Variants in SLCO3A1 observed in about 807,000 individuals in gnomAD.
SLCO3A1 encodes solute carrier organic anion transporter family member 3A1.
SLCO3A1 carries 27 observed loss-of-function variants against 63.1 expected under a neutral mutation model. The ratio of observed to expected loss-of-function variants is 0.43; its 90% CI spans 0.32 to 0.59. The LOEUF (loss-of-function observed/expected upper bound fraction) is 0.59, where lower values mean the gene tolerates loss of function less well. SLCO3A1 is among the 20% of genes least tolerant of loss of function. SLCO3A1 has a pLI of 0.09. For missense variants in SLCO3A1, 773 were observed against 945.8 expected, an observed-to-expected ratio of 0.82 and a Z score of 2.40; for synonymous variants, 473 against 409.9, an observed-to-expected ratio of 1.15 and a Z score of -1.86.
At chr15:92,118,638 C>T (rs2047824623) in intron 4 of SLCO3A1, among the ~76,000 whole-genome samples, 1 of 152,186 alleles carries the variant, frequency 6.6e-6, no homozygotes, top group South Asian at 2.1e-4. Context: ...TAGCTCTCTT[C>T]TTTAGGACAG....
At position 92,050,189 on chromosome 15, in the gene SLCO3A1, T is replaced by A. The variant is rs575590075; in HGVS notation, c.647-44692T>A. On this transcript the variant is annotated intron_variant, in intron 2 of 9. Transcript: ENST00000318445. ...TTTTCTGGTGATGCTGCCTCTGCTC[T>A]CTGCTTCGAAGGTGTTAGCACCTGT... 7.2e-5 allele frequency among the ~76,000 whole-genome samples: 11 copies of A among 152,366 alleles called. No homozygotes were observed. The East Asian group carries it at 2.1e-3, about 29-fold the overall frequency.
At chr15:92,151,862 C>A (rs1451009332) in intron 9 of SLCO3A1, among the ~76,000 whole-genome samples, 2 of 152,150 alleles carry the variant, frequency 1.3e-5, no homozygotes, top group Non-Finnish European at 2.9e-5. Flanking sequence ...CGTATATAAT[C>A]GTGGATAAGC....
intron 1 of SLCO3A1, among the ~76,000 whole-genome samples, chr15:91,914,212 G>T (rs1222190643): frequency 6.6e-6 from 1 of 152,154 alleles, no homozygotes; most frequent in African/African-American, 2.4e-5. Flanking sequence ...GGACCCAGGT[G>T]GTCTGGCCCT....
chr15:92,009,315 G>T (rs970709608), intron 2 of SLCO3A1, among the ~76,000 whole-genome samples: 1 of 152,146 alleles, frequency 6.6e-6, no homozygotes, highest in Admixed American at 6.5e-5. Context: ...GCTCAACCAC[G>T]AGAGAACAGA....
At chr15:92,067,449 A>C (rs1008579931) in intron 2 of SLCO3A1, among the ~76,000 whole-genome samples, 5 of 152,244 alleles carry the variant, frequency 3.3e-5, no homozygotes, top group African/African-American at 9.6e-5. Context: ...TACGGGAATG[A>C]CATTAAGAGA....
intron 2 of SLCO3A1, among the ~76,000 whole-genome samples, chr15:91,944,546 T>C (rs1217257826): frequency 2.0e-5 from 3 of 151,990 alleles, no homozygotes; most frequent in African/African-American, 7.3e-5. Context: ...TCCTGCCAGC[T>C]CCCTTTGGAA....
rs1899617953 is a variant in SLCO3A1 at position 91,941,467 on chromosome 15, A to G, written c.646+25009A>G. ...GGCCTGGTTCCTTTGGCCTTAGGGA[A>G]GGACAAACTTCAACTCTGAGCCTTG... On this transcript the variant is annotated intron_variant, in intron 2 of 9. Transcript: ENST00000318445. This position sits in a 1 kb window ranked among gnomAD's most constrained non-coding sequence, Gnocchi z 4.4. 1 of 450,766 alleles carries G rather than the reference A, an allele frequency of 2.2e-6. No homozygotes were observed. Among genetic ancestry groups the G allele is most frequent in the Admixed American group, 2.4e-5 (1 of 41,348 alleles). 27.9% of individuals were successfully genotyped at this position (450,766 alleles called of 1,614,324 possible). A position where few individuals can be genotyped will look rare whatever the true frequency, so the allele number is the denominator to read the frequency against.
chr15:91,983,766 G>A (rs1168201686), intron 2 of SLCO3A1, among the ~76,000 whole-genome samples: 1 of 152,180 alleles, frequency 6.6e-6, no homozygotes, highest in African/African-American at 2.4e-5. Flanking sequence ...ATGTGCCCTG[G>A]TAGCAGAAAC....
In SLCO3A1 at chr15:92,104,448, C is replaced by T. The variant is rs367736458; in HGVS notation, c.915C>T (p.Ser305=). The change falls in exon 4 of 10, where the codon TCC becomes TCT. Residue 305 remains serine (S), a synonymous_variant. Coordinates refer to ENST00000318445, the MANE Select transcript of SLCO3A1 (RefSeq NM_013272.4). ...PAMESEQAML[S]EREYERPKPS... is the part of the protein sequence containing the mutation. ...TGGAAAGCGAGCAGGCCATGCTCTC[C>T]GAAAGAGAATACGAGAGACCCAAGC... 73 of 1,614,024 alleles carry T rather than the reference C, an allele frequency of 4.5e-5. No homozygotes were observed. Among genetic ancestry groups the T allele is most frequent in the African/African-American group, 9.3e-5 (7 of 74,904 alleles).
At chr15:92,152,911 G>T (rs1487756122) in intron 9 of SLCO3A1, among the ~76,000 whole-genome samples, 1 of 152,204 alleles carries the variant, frequency 6.6e-6, no homozygotes, top group Non-Finnish European at 1.5e-5. Flanking sequence ...TGCACCTCTA[G>T]ACAGATACTA....
chr15:92,054,414 T>G (rs556836914), intron 2 of SLCO3A1, among the ~76,000 whole-genome samples: 7 of 152,344 alleles, frequency 4.6e-5, no homozygotes, highest in African/African-American at 1.7e-4. Context: ...TGATCCCAAG[T>G]CTTTTTTCAC....
chr15:92,146,717 T>C (rs1008829048), intron 7 of SLCO3A1, among the ~76,000 whole-genome samples: 2 of 152,230 alleles, frequency 1.3e-5, no homozygotes, highest in African/African-American at 4.8e-5. Flanking sequence ...CACATTTATC[T>C]GTGGTTCAGC....
At chr15:92,088,081 G>A (rs2047428002) in intron 2 of SLCO3A1, among the ~76,000 whole-genome samples, 1 of 152,074 alleles carries the variant, frequency 6.6e-6, no homozygotes. Flanking sequence ...AGGAGGTTTG[G>A]GTCTGGGTCC....
intron 2 of SLCO3A1, among the ~76,000 whole-genome samples, chr15:92,045,847 A>C (rs2046855391): frequency 1.3e-5 from 2 of 152,148 alleles, no homozygotes; most frequent in African/African-American, 4.8e-5. Flanking sequence ...CAATATCTCC[A>C]GTCACTTGGC....
chr15:92,170,634 T>C (rs759199461), downstream of SLCO3A1, among the ~76,000 whole-genome samples: 2 of 152,196 alleles, frequency 1.3e-5, no homozygotes, highest in Non-Finnish European at 2.9e-5. Flanking sequence ...ACAGAGCGTC[T>C]ACCTGTGGGA....
At position 92,147,062 on chromosome 15, in the gene SLCO3A1, G is replaced by C; in HGVS notation, c.1591G>C (p.Gly531Arg). ...GGTTCCTGGAAAATGCCCCAGTCCT[G>C]GGTGCCAAGAGGCCTTCCTCACTTT... ...TVVPGKCPSP[G>R]CQEAFLTFLC... is the part of the protein sequence containing the mutation. The change falls in exon 8 of 10, where the codon GGG becomes CGG. Residue 531 changes from glycine (G) to arginine (R), a missense_variant. Gly to Arg is a moderately radical substitution (Grantham distance 125). Around this residue, in one of 3 missense-constraint regions of SLCO3A1, gnomAD observed 565 missense variants for 749.8 expected, o/e 0.75. Coordinates refer to ENST00000318445, the MANE Select transcript of SLCO3A1 (RefSeq NM_013272.4). 1 of 1,614,152 alleles carries C rather than the reference G, an allele frequency of 6.2e-7. No homozygotes were observed. Among genetic ancestry groups the C allele is most frequent in the Non-Finnish European group, 8.5e-7 (1 of 1,180,018 alleles).
intron 9 of SLCO3A1, among the ~76,000 whole-genome samples, chr15:92,159,155 T>C (rs1177201832): frequency 2.0e-5 from 3 of 152,132 alleles, no homozygotes; most frequent in Non-Finnish European, 4.4e-5. Flanking sequence ...CATTGAAAGA[T>C]CAAGTGACTT....
chr15:91,915,957 T>A (rs4077721), intron 1 of SLCO3A1, 36 bp from the exon 2 acceptor site: 6 of 1,549,662 alleles, frequency 3.9e-6, no homozygotes, highest in Admixed American at 1.8e-5. Flanking sequence ...GGCATCTTCT[T>A]GGATTGGCTC....
intron 1 of SLCO3A1, among the ~76,000 whole-genome samples, chr15:91,892,075 C>A (rs1897884044): frequency 6.6e-6 from 1 of 152,142 alleles, no homozygotes; most frequent in South Asian, 2.1e-4. Context: ...CAGGCTGCCC[C>A]CTCCCCCCAG....
Sources: allele counts gnomAD v4.1 joint callset (sites outside exome capture counted in the v4.1 genomes callset), GRCh38; gene constraint gnomAD v4.1.1; regional missense constraint gnomAD v4.1.1; non-coding constraint Gnocchi (gnomAD v3.1); transcripts MANE v1.5; gene names NCBI Gene and HGNC (gene_info 2026-07-23, HGNC 2026-07-21).